Variants in RB1 observed in about 807,000 individuals in gnomAD.
RB1 encodes RB transcriptional corepressor 1, also known as retinoblastoma-associated protein.
A neutral mutation model predicts 135.4 loss-of-function variants in RB1; 18 were observed. The observed-to-expected ratio is 0.13, with a 90% CI of 0.09 to 0.20. The LOEUF is 0.20. Ranked by LOEUF, RB1 falls within the 10% of genes least tolerant of loss-of-function variation. The probability of loss-of-function intolerance (pLI) is 1.00; values close to 1 mark genes in which losing one functional copy is unlikely to be tolerated. For missense variants in RB1, 868 were observed against 1,110.0 expected, an observed-to-expected ratio of 0.78 and a Z score of 3.10; for synonymous variants, 365 against 373.2, an observed-to-expected ratio of 0.98 and a Z score of 0.25.
At chr13:48,413,077 C>T (rs1419453017) in intron 17 of RB1, 1 of 167,120 alleles carries the variant, frequency 6.0e-6, no homozygotes, top group Non-Finnish European at 1.5e-5. Flanking sequence ...GAGGCCTTTT[C>T]CTCAGTTGCC....
chr13:48,446,860 A>C (rs1949291366), intron 17 of RB1, among the ~76,000 whole-genome samples: 1 of 152,202 alleles, frequency 6.6e-6, no homozygotes, highest in Admixed American at 6.5e-5. Context: ...AAGATAAGGC[A>C]TTTGAATTTA....
rs2138345419 is a variant in RB1, at chr13:48,465,195, T to G, written c.2326-10T>G. On this transcript the variant is annotated splice_polypyrimidine_tract_variant and intron_variant, in intron 22 of 26. Transcript: ENST00000267163. ...TAAATAAATAATCTACTTTTTTGTT[T>G]TTGCTCTAGCCCCCTACCTTGTCAC... is the stretch of plus-strand genomic sequence containing the variant. The G allele has an allele frequency of 6.2e-7, 1 of 1,614,010 alleles. No homozygotes were observed. Among genetic ancestry groups the G allele is most frequent in the Non-Finnish European group, 8.5e-7 (1 of 1,179,932 alleles).
At chr13:48,352,301 G>GT (rs1331942337) in intron 6 of RB1, among the ~76,000 whole-genome samples, 5 of 151,312 alleles carry the variant, frequency 3.3e-5, no homozygotes, top group South Asian at 2.1e-4. Context: ...CTCCAGCTTT[G>GT]TTCTTTTTGC....
chr13:48,329,552 C>T lies in RB1; in HGVS notation c.265-13047C>T, dbSNP rs118017996. Among the ~76,000 whole-genome samples, 863 of 152,220 alleles carry T rather than the reference C, an allele frequency of 5.7e-3. 5 individuals carry two copies. Among genetic ancestry groups the T allele is most frequent in the Middle Eastern group, 0.01 (3 of 294 alleles). On this transcript the variant is annotated intron_variant, in intron 2 of 26. Coordinates refer to ENST00000267163, the MANE Select transcript of RB1 (RefSeq NM_000321.3). ...AGGTTTTTTAAAGTATTGGAAAACT[C>T]GCCAGATTATCATTATATGACTTGG...
chr13:48,479,305 A>C (rs1949522951), intron 26 of RB1, among the ~76,000 whole-genome samples: 1 of 152,242 alleles, frequency 6.6e-6, no homozygotes, highest in African/African-American at 2.4e-5. Flanking sequence ...ATCTGCAAAC[A>C]TAAGGGAACC....
At chr13:48,455,374 G>A (rs2138329866) in intron 18 of RB1, among the ~76,000 whole-genome samples, 1 of 152,250 alleles carries the variant, frequency 6.6e-6, no homozygotes, top group African/African-American at 2.4e-5. Context: ...GCCCAAGTTA[G>A]GCCAGTTTAC....
chr13:48,444,089 G>T (rs1488817225), intron 17 of RB1, among the ~76,000 whole-genome samples: 1 of 152,098 alleles, frequency 6.6e-6, no homozygotes, highest in Non-Finnish European at 1.5e-5. Flanking sequence ...GATCCCACTG[G>T]TTGGGGTCTC....
chr13:48,356,910 C>G (rs1482438514), intron 6 of RB1, among the ~76,000 whole-genome samples: 2 of 151,872 alleles, frequency 1.3e-5, no homozygotes, highest in Non-Finnish European at 2.9e-5. Context: ...GTATTCTATT[C>G]TTGAGTCATA....
chr13:48,314,528 G>A (rs2006125), intron 2 of RB1, among the ~76,000 whole-genome samples: 21,918 of 152,028 alleles, frequency 0.14, 4,608 homozygotes, highest in African/African-American at 0.46. Context: ...AGTTGGGCAC[G>A]GAGGCTCACG....
chr13:48,386,143 A>G (rs190286524), intron 17 of RB1, among the ~76,000 whole-genome samples: 4 of 152,260 alleles, frequency 2.6e-5, no homozygotes, highest in Admixed American at 2.6e-4. Flanking sequence ...CTGTCTCAAA[A>G]AAATAAAAAA....
intron 17 of RB1, among the ~76,000 whole-genome samples, chr13:48,447,427 A>G (rs1202210582): frequency 6.6e-6 from 1 of 152,134 alleles, no homozygotes; most frequent in Non-Finnish European, 1.5e-5. Flanking sequence ...TACTGGGTGG[A>G]TGGATGGATA....
At chr13:48,381,112 A>AAATGG in intron 16 of RB1, 135 bp from the exon 17 acceptor site, 1 of 1,259,370 alleles carries the variant, frequency 7.9e-7, no homozygotes, top group Non-Finnish European at 1.1e-6. Flanking sequence ...GTAGACTCCA[A>AAATGG]AATAAAAAAT....
rs567969138 is a variant in RB1, at chr13:48,335,990, GAA to G, written c.265-6608_265-6607del. On this transcript the variant is annotated intron_variant, in intron 2 of 26. Transcript: ENST00000267163. ...ATGAAAAAGTTGTGAGAGGAAAAGA[GAA>G]GAGAATGAGGATGTGAGGGCATTTA... Among the ~76,000 whole-genome samples, 120 of 152,096 alleles carry G rather than the reference GAA, an allele frequency of 7.9e-4. 2 individuals are homozygous for G. The highest frequency in any genetic ancestry group is 2.8e-3 in the African/African-American group (116 of 41,514).
At chr13:48,305,990 C>A (rs1179416613) in intron 1 of RB1, among the ~76,000 whole-genome samples, 4 of 152,196 alleles carry the variant, frequency 2.6e-5, no homozygotes, top group Non-Finnish European at 5.9e-5. Flanking sequence ...ATGTTTCGAG[C>A]TGGGTGTGAT....
intron 8 of RB1, among the ~76,000 whole-genome samples, chr13:48,364,190 T>C (rs1034815479): frequency 6.6e-6 from 1 of 152,058 alleles, no homozygotes; most frequent in Non-Finnish European, 1.5e-5. Flanking sequence ...TTAGAAAAAA[T>C]TTTGGAGATT....
At chr13:48,360,450 T>C (rs1008891684) in intron 7 of RB1, 7 of 240,728 alleles carry the variant, frequency 2.9e-5, no homozygotes, top group East Asian at 1.1e-4. Flanking sequence ...GTGGTTAGGA[T>C]TGGGGAAAGG....
chr13:48,312,450 TTCCTTA>T (rs1279271250), intron 2 of RB1, among the ~76,000 whole-genome samples: 2 of 152,206 alleles, frequency 1.3e-5, no homozygotes, highest in Non-Finnish European at 2.9e-5. Context: ...GTTGTTTTTG[TTCCTTA>T]TCTGGCTTGT....
intron 17 of RB1, among the ~76,000 whole-genome samples, chr13:48,384,015 G>A (rs1036769279): frequency 2.6e-5 from 4 of 152,064 alleles, no homozygotes; most frequent in Non-Finnish European, 5.9e-5. Flanking sequence ...GAAAATTGTG[G>A]AGGATGTAAT....
chr13:48,362,310 AG>A (rs1952650569), intron 7 of RB1, among the ~76,000 whole-genome samples: 1 of 21,616 alleles, frequency 4.6e-5, no homozygotes, highest in African/African-American at 7.3e-5. Context: ...AAAATAATCC[AG>A]GAGATTTTTT....
Sources: allele counts gnomAD v4.1 joint callset (sites outside exome capture counted in the v4.1 genomes callset), GRCh38; gene constraint gnomAD v4.1.1; transcripts MANE v1.5; gene names NCBI Gene and HGNC (gene_info 2026-07-23, HGNC 2026-07-21).